Variants in THADA observed in about 807,000 individuals in gnomAD.
The protein encoded by THADA is THADA armadillo repeat containing.
THADA carries 213 observed loss-of-function variants against 219.8 expected under a neutral mutation model. The ratio of observed to expected loss-of-function variants is 0.97; its 90% CI spans 0.87 to 1.09. THADA has a LOEUF of 1.09. Ranked by LOEUF, THADA falls within the 50% of genes least tolerant of loss-of-function variation. The pLI is 0.00. For synonymous variants in THADA, 1,018 were observed against 828.9 expected (o/e 1.23, Z -3.92); for missense variants, 2,956 against 2,311.3 (o/e 1.28, Z -5.72).
chr2:43,417,037 CTTTTTTTTTTT>C (rs67993873), intron 28 of THADA, among the ~76,000 whole-genome samples: 1 of 93,780 alleles, frequency 1.1e-5, no homozygotes, highest in South Asian at 3.8e-4. Flanking sequence ...TGGCTGTTTT[CTTTTTTTTTTT>C]TTTTTTTTTT....
intron 30 of THADA, 28 bp from the exon 31 acceptor site, chr2:43,320,568 T>C (rs1291693227): frequency 6.4e-7 from 1 of 1,571,718 alleles, no homozygotes; most frequent in Admixed American, 1.7e-5. Flanking sequence ...AGAATATAAA[T>C]TGAGATTTTC....
At chr2:43,483,997 G>A (rs1224144248) in intron 26 of THADA, among the ~76,000 whole-genome samples, 2 of 151,906 alleles carry the variant, frequency 1.3e-5, no homozygotes, top group African/African-American at 4.8e-5. Context: ...TTTCAAGTTA[G>A]TGACAGGAAG....
intron 22 of THADA, among the ~76,000 whole-genome samples, chr2:43,515,216 TATATTATATATAATATATAATATATA>T (rs1691426873): frequency 1.3e-5 from 1 of 75,332 alleles, no homozygotes; most frequent in South Asian, 4.3e-4. Flanking sequence ...TAATATATAA[TATATTATATATAATATATAATATATA>T]ATATATTATA....
At chr2:43,583,881 A>C (rs1320466359) in intron 7 of THADA, among the ~76,000 whole-genome samples, 1 of 152,030 alleles carries the variant, frequency 6.6e-6, no homozygotes, top group East Asian at 1.9e-4. Flanking sequence ...TATTTCTACC[A>C]AAAATATAAA....
At chr2:43,528,638 C>A (rs1693484017) in intron 21 of THADA, among the ~76,000 whole-genome samples, 1 of 152,198 alleles carries the variant, frequency 6.6e-6, no homozygotes, top group African/African-American at 2.4e-5. Context: ...TTAACTGCTA[C>A]ACTAGAACTG....
Position 43,344,203 on chromosome 2 carries a change from T to A in THADA, c.4262A>T (p.Lys1421Ile), listed in dbSNP as rs926936403. The change falls in exon 30 of 38, where the codon AAA (lysine) becomes ATA (isoleucine). Residue 1421 changes from lysine (K) to isoleucine (I), a missense_variant. Physicochemically the swap from Lys to Ile is moderately radical, Grantham distance 102. Coordinates refer to ENST00000405975, the MANE Select transcript of THADA (RefSeq NM_022065.5). ...FHLLQAYSDS[K>I]HGTNSDFQHE... ...CTGGAAGTCTGAATTCGTTCCGTGT[T>A]TGGAGTCTGAGTAGGCTTGCAACAA... is the stretch of plus-strand genomic sequence containing the variant. 1.2e-6 allele frequency: 2 copies of A among 1,612,426 alleles called. No homozygotes were observed. The highest frequency in any genetic ancestry group is 2.7e-5 in the African/African-American group (2 of 74,906).
At chr2:43,581,617 G>A in intron 8 of THADA, 124 bp downstream of exon 8, 1 of 785,656 alleles carries the variant, frequency 1.3e-6, no homozygotes, top group Non-Finnish European at 1.9e-6. Flanking sequence ...TTGAGAGGCT[G>A]AGTAAGGACA....
chr2:43,580,256 GT>G (rs1700291939), intron 8 of THADA, among the ~76,000 whole-genome samples: 1 of 151,734 alleles, frequency 6.6e-6, no homozygotes, highest in Non-Finnish European at 1.5e-5. Flanking sequence ...GGCCAGAATG[GT>G]CTCAATCTCC....
intron 29 of THADA, among the ~76,000 whole-genome samples, chr2:43,393,400 G>T (rs1182573394): frequency 6.6e-6 from 1 of 152,084 alleles, no homozygotes; most frequent in Non-Finnish European, 1.5e-5. Context: ...AGGAACACAG[G>T]CTTTAGAGTT....
At chr2:43,523,163 G>A (rs929079353) in intron 22 of THADA, among the ~76,000 whole-genome samples, 5 of 151,876 alleles carry the variant, frequency 3.3e-5, no homozygotes, top group African/African-American at 1.2e-4. Context: ...CCAGGAGTTC[G>A]AGACCAGCCT....
intron 24 of THADA, among the ~76,000 whole-genome samples, chr2:43,501,929 G>A: frequency 6.6e-6 from 1 of 152,110 alleles, no homozygotes. Context: ...GGGTGACAGA[G>A]AGAGACTCCA....
At chr2:43,477,140 C>A (rs865781719) in intron 26 of THADA, among the ~76,000 whole-genome samples, 14 of 152,136 alleles carry the variant, frequency 9.2e-5, no homozygotes, top group African/African-American at 2.7e-4. Context: ...ATATCTACTG[C>A]TCCTAATAAT....
At chr2:43,558,415 A>C (rs1267437158) in intron 16 of THADA, among the ~76,000 whole-genome samples, 1 of 152,208 alleles carries the variant, frequency 6.6e-6, no homozygotes, top group East Asian at 1.9e-4. Flanking sequence ...GAAGGATGCA[A>C]AGTATTGTTC....
chr2:43,532,858 CA>C (rs898480664), intron 21 of THADA, among the ~76,000 whole-genome samples: 9 of 152,114 alleles, frequency 5.9e-5, no homozygotes, highest in Non-Finnish European at 1.2e-4. Flanking sequence ...ACTAAAACAC[CA>C]AAAGCAACTG....
intron 22 of THADA, among the ~76,000 whole-genome samples, chr2:43,520,988 GA>G (rs1198588894): frequency 1.9e-4 from 10 of 52,140 alleles, no homozygotes; most frequent in African/African-American, 4.7e-4. Context: ...AGGAAGGGAG[GA>G]AAGGGAGGAA....
intron 26 of THADA, among the ~76,000 whole-genome samples, chr2:43,459,189 G>A (rs1553450988): frequency 6.6e-6 from 1 of 152,142 alleles, no homozygotes; most frequent in Non-Finnish European, 1.5e-5. Flanking sequence ...GCTCACTTCA[G>A]GCTGCCCTCT....
chr2:43,253,941 C>G (rs1177590453), intron 36 of THADA, among the ~76,000 whole-genome samples: 1 of 152,048 alleles, frequency 6.6e-6, no homozygotes. Context: ...TTCCATTCGC[C>G]CTCCTTTGGA....
intron 29 of THADA, among the ~76,000 whole-genome samples, chr2:43,388,480 A>C (rs886143339): frequency 6.6e-6 from 1 of 152,166 alleles, no homozygotes; most frequent in Admixed American, 6.5e-5. Context: ...ATCTCCTTTC[A>C]CTTTATGAAC....
rs200036949 is a variant in THADA, at chr2:43,245,172, C to CTTTTT, written c.5297-12295_5297-12291dup. ...TACTGGAGCTTCTTTCTTTCTTCTT[C>CTTTTT]TTTTTTTTTTTTTTTTTTGAGACGG... On this transcript the variant is annotated intron_variant, in intron 36 of 37. Coordinates refer to ENST00000405975, the MANE Select transcript of THADA (RefSeq NM_022065.5). Among the ~76,000 whole-genome samples the CTTTTT allele has an allele frequency of 2.8e-4, 29 of 103,090 alleles. 4 individuals are homozygous for CTTTTT. Among genetic ancestry groups the CTTTTT allele is most frequent in the African/African-American group, 1.3e-3 (27 of 20,012 alleles). 67.6% of individuals were successfully genotyped at this position (103,090 alleles called of 152,430 possible). A position where few individuals can be genotyped will look rare whatever the true frequency, so the allele number is the denominator to read the frequency against.
Sources: allele counts gnomAD v4.1 joint callset (sites outside exome capture counted in the v4.1 genomes callset), GRCh38; gene constraint gnomAD v4.1.1; transcripts MANE v1.5; gene names NCBI Gene and HGNC (gene_info 2026-07-23, HGNC 2026-07-21).